Variants in STAT5B observed in about 807,000 individuals in gnomAD.
STAT5B encodes transcription factor STAT5B.
A neutral mutation model predicts 107.8 loss-of-function variants in STAT5B; 21 were observed. The ratio of observed to expected loss-of-function variants is 0.19; its 90% CI spans 0.14 to 0.28. The LOEUF is 0.28. Among genes scored for constraint, STAT5B ranks in the 10% least tolerant of loss-of-function variants. The pLI is 1.00. For synonymous variants in STAT5B, 325 were observed against 401.7 expected, an observed-to-expected ratio of 0.81 and a Z score of 2.28; for missense variants, 565 against 1,008.2, an observed-to-expected ratio of 0.56 and a Z score of 5.95.
At chr17:42,226,606 G>A (rs775297143) in intron 3 of STAT5B, among the ~76,000 whole-genome samples, 3 of 149,988 alleles carry the variant, frequency 2.0e-5, no homozygotes, top group African/African-American at 4.9e-5. Flanking sequence ...TCGGGAGTTC[G>A]AAACCAGCCT....
intron 1 of STAT5B, among the ~76,000 whole-genome samples, chr17:42,248,146 G>A (rs972820448): frequency 3.3e-5 from 5 of 151,756 alleles, no homozygotes; most frequent in East Asian, 3.9e-4. Context: ...GTGTGGTGGC[G>A]CATGCCTGTA....
chr17:42,228,802 C>T (rs192769671), intron 2 of STAT5B, among the ~76,000 whole-genome samples: 1 of 152,252 alleles, frequency 6.6e-6, no homozygotes, highest in African/African-American at 2.4e-5. Context: ...GGCGTGGCGG[C>T]ATGTGCCTGT....
At chr17:42,239,294 C>T (rs1598320103) in intron 1 of STAT5B, among the ~76,000 whole-genome samples, 2 of 151,018 alleles carry the variant, frequency 1.3e-5, no homozygotes, top group South Asian at 4.2e-4. Context: ...TATTCCATTC[C>T]TTCTAATATG....
chr17:42,219,942 C>A (rs1405473103), intron 5 of STAT5B, 100 bp from the exon 6 acceptor site: 4 of 1,574,048 alleles, frequency 2.5e-6, no homozygotes, highest in African/African-American at 1.3e-5. Flanking sequence ...CCCTCCTGGG[C>A]TCAGATACTG....
rs943535715 is a variant in STAT5B at position 42,214,151 on chromosome 17, TAA to T, written c.1473+1861_1473+1862del. 1.8e-4 allele frequency: 127 copies of T among 702,382 alleles called. 1 individual carries two copies. Among genetic ancestry groups the T allele is most frequent in the Middle Eastern group, 7.4e-4 (1 of 1,358 alleles). The allele number at this position is 702,382 out of a possible 1,614,324, so 43.5% of individuals were successfully genotyped here. A position where few individuals can be genotyped will look rare whatever the true frequency, so the allele number is the denominator to read the frequency against. On this transcript the variant is annotated intron_variant, in intron 12 of 18. Transcript: ENST00000293328. The stretch of plus-strand genomic sequence containing the variant: ...GAGCAAGACTCTGTCTCAAAAAAAT[TAA>T]AAAAAAAAAAATAGCATAAGATGTA...
chr17:42,205,887 A>AC (rs1310894959), intron 16 of STAT5B, among the ~76,000 whole-genome samples: 3 of 152,104 alleles, frequency 2.0e-5, no homozygotes, highest in African/African-American at 7.2e-5. Context: ...ACAAAGTGAG[A>AC]CCCCATCTCA....
chr17:42,211,909 C>A, intron 13 of STAT5B, 75 bp downstream of exon 13: 4 of 1,550,344 alleles, frequency 2.6e-6, no homozygotes, highest in Non-Finnish European at 2.6e-6. Flanking sequence ...AATAAGGGCC[C>A]AGGGCAGGGA....
chr17:42,207,472 A>G, intron 16 of STAT5B, 86 bp downstream of exon 16: 1 of 1,516,652 alleles, frequency 6.6e-7, no homozygotes, highest in Non-Finnish European at 9.1e-7. Context: ...CAAGAGAGAT[A>G]ACACACGCAG....
chr17:42,277,854 C>T (rs148912803), upstream of STAT5B, among the ~76,000 whole-genome samples: 3 of 150,876 alleles, frequency 2.0e-5, no homozygotes, highest in Non-Finnish European at 1.5e-5. Context: ...CTCCTGGGTT[C>T]AAGTGATTCT....
chr17:42,235,073 T>C (rs996452251), intron 1 of STAT5B: 1 of 152,188 alleles, frequency 6.6e-6, no homozygotes, highest in East Asian at 1.9e-4. Flanking sequence ...ATTAGGTGAA[T>C]TGACTTCAGA....
intron 1 of STAT5B, among the ~76,000 whole-genome samples, chr17:42,237,645 C>T (rs1159770565): frequency 6.6e-6 from 1 of 151,946 alleles, no homozygotes; most frequent in Non-Finnish European, 1.5e-5. Flanking sequence ...ATTTGGTCTG[C>T]TGGATTCATA....
intron 1 of STAT5B, among the ~76,000 whole-genome samples, chr17:42,248,013 C>CAT (rs2080466334): frequency 6.6e-6 from 1 of 151,640 alleles, no homozygotes; most frequent in Non-Finnish European, 1.5e-5. Flanking sequence ...CACAGTGGCT[C>CAT]ATGCCTGTAA....
chr17:42,232,144 A>G lies in STAT5B; in HGVS notation c.-10-7T>C. The G allele has an allele frequency of 6.2e-7, 1 of 1,613,592 alleles. No individual in the cohort carries two copies. The highest frequency in any genetic ancestry group is 8.5e-7 in the Non-Finnish European group (1 of 1,179,658). On this transcript the variant is annotated splice_polypyrimidine_tract_variant and splice_region_variant and intron_variant, in intron 1 of 18. Transcript: ENST00000293328. Reference sequence around the variant, plus strand: ...CACAGCCATGGTTTACAATCTGTTGAACAAACAATCAGTGCTTTGGGCGTT... The same window carrying G: ...CACAGCCATGGTTTACAATCTGTTGGACAAACAATCAGTGCTTTGGGCGTT...
chr17:42,203,841 G>T (rs867447906), intron 16 of STAT5B, among the ~76,000 whole-genome samples: 2 of 151,930 alleles, frequency 1.3e-5, no homozygotes, highest in Non-Finnish European at 2.9e-5. Context: ...TGGTCAGGCT[G>T]GTCTCGAACC....
chr17:42,223,425 C>T lies in STAT5B; in HGVS notation c.507G>A (p.Gln169=). The T allele has an allele frequency of 6.2e-7, 1 of 1,614,196 alleles. No individual in the cohort carries two copies. Among genetic ancestry groups the T allele is most frequent in the Admixed American group, 1.7e-5 (1 of 60,014 alleles). Residue 169 remains glutamine (Q), a synonymous_variant, in exon 5 of 19, where the codon CAG becomes CAA. Coordinates refer to ENST00000293328, the MANE Select transcript of STAT5B (RefSeq NM_012448.4). ...CCTGGTACTGGATGATGAAGTACTC[C>T]TGAGTCTGCTGCAGCTTTTTTAACT... is the stretch of plus-strand genomic sequence containing the variant. The part of the protein sequence containing the change: ...ENELKKLQQT[Q]EYFIIQYQES...
At chr17:42,210,009 T>C (rs2080115893) in intron 15 of STAT5B, among the ~76,000 whole-genome samples, 162 bp downstream of exon 15, 1 of 152,244 alleles carries the variant, frequency 6.6e-6, no homozygotes, top group Non-Finnish European at 1.5e-5. Flanking sequence ...TAATAGTATT[T>C]TTCATAGGCT....
intron 1 of STAT5B, chr17:42,235,156 C>T (rs1170865544): frequency 1.3e-5 from 2 of 152,190 alleles, no homozygotes; most frequent in African/African-American, 4.8e-5. Flanking sequence ...AATAAAACGG[C>T]ATTCTGGTCA....
intron 1 of STAT5B, among the ~76,000 whole-genome samples, chr17:42,242,181 GA>G (rs2080409418): frequency 6.6e-6 from 1 of 152,060 alleles, no homozygotes; most frequent in African/African-American, 2.4e-5. Context: ...GTAGAGAAAG[GA>G]TCTACTTACT....
rs2080168539 is a variant in STAT5B at position 42,215,996 on chromosome 17, C to A, written c.1473+18G>T. The A allele has an allele frequency of 6.2e-7, 1 of 1,613,184 alleles. No individual in the cohort carries two copies. Among genetic ancestry groups the A allele is most frequent in the Non-Finnish European group, 8.5e-7 (1 of 1,179,458 alleles). On this transcript the variant is annotated intron_variant, in intron 12 of 18. Transcript: ENST00000293328. ...CGGCATTGATTTTGGGACCCACATG[C>A]CCGAGGAATACACTCACAGGCTCTG...
Sources: gnomAD v4.1 joint callset for allele counts (sites outside exome capture counted in the v4.1 genomes callset) on GRCh38, gnomAD v4.1.1 for gene constraint, MANE v1.5 for transcripts, NCBI Gene and HGNC (gene_info 2026-07-23, HGNC 2026-07-21) for gene names.